The following ERBIN variants were observed in gnomAD, a reference collection of about 807,000 sequenced individuals.
The protein encoded by ERBIN is densin-180-like protein.
Under a neutral mutation model 158.4 loss-of-function variants are expected in ERBIN, and 60 were observed. That is an observed-to-expected ratio of 0.38 (90% CI 0.31 to 0.47). ERBIN has a LOEUF of 0.47. ERBIN is among the 20% of genes least tolerant of loss of function. ERBIN has a pLI of 0.99. For synonymous variants in ERBIN, 594 were observed against 557.2 expected, an observed-to-expected ratio of 1.07 and a Z score of -0.93; for missense variants, 1,610 against 1,648.0, an observed-to-expected ratio of 0.98 and a Z score of 0.40.
intron 1 of ERBIN, among the ~76,000 whole-genome samples, chr5:65,941,078 T>C (rs1413642679): frequency 1.3e-5 from 2 of 152,048 alleles, no homozygotes; most frequent in Non-Finnish European, 2.9e-5. Context: ...GGATTAATGG[T>C]GGTGCAAGAT....
rs1561380775 is a variant in ERBIN, at chr5:66,018,512, ATTATATAATATATATTATATT to A, written c.534-2809_534-2789del. ...TTATATTATATAATATATATTATATATTATATAATATATATTATATTATATAATATATATTATATATTATAT... is the reference window on the plus strand; with the variant it reads ...TTATATTATATAATATATATTATATAATATAATATATATTATATATTATAT... On this transcript the variant is annotated intron_variant, in intron 7 of 25. Coordinates refer to ENST00000284037, the MANE Select transcript of ERBIN (RefSeq NM_001253697.2). 4.4e-4 allele frequency among the ~76,000 whole-genome samples: 5 copies of A among 11,418 alleles called. 1 individual carries two copies. Among genetic ancestry groups the A allele is most frequent in the African/African-American group, 2.5e-3 (5 of 1,992 alleles). 7.5% of individuals were successfully genotyped at this position (11,418 alleles called of 152,430 possible).
chr5:65,935,907 T>TAG (rs1478528888), intron 1 of ERBIN, among the ~76,000 whole-genome samples: 1 of 152,178 alleles, frequency 6.6e-6, no homozygotes, highest in East Asian at 1.9e-4. Context: ...CTATTTTTTA[T>TAG]AGAGGTAGAG....
chr5:65,990,868 A>G (rs149600441), intron 2 of ERBIN, among the ~76,000 whole-genome samples: 6,055 of 151,204 alleles, frequency 0.04, 410 homozygotes, highest in African/African-American at 0.14. Flanking sequence ...TCAAGCAGTT[A>G]TCCTGCCTCA....
chr5:66,028,887 C>G (rs1756559609), intron 14 of ERBIN, among the ~76,000 whole-genome samples: 1 of 152,142 alleles, frequency 6.6e-6, no homozygotes, highest in South Asian at 2.1e-4. Context: ...TAAGTGAAGA[C>G]ATGTGAAGTT....
chr5:66,056,907 G>A (rs578251538), intron 21 of ERBIN, among the ~76,000 whole-genome samples: 352 of 152,126 alleles, frequency 2.3e-3, no homozygotes, highest in Non-Finnish European at 4.1e-3. Context: ...ATATCCTGCC[G>A]TTACCATAAC....
At chr5:65,969,468 TA>T (rs1749016464) in intron 1 of ERBIN, among the ~76,000 whole-genome samples, 1 of 152,234 alleles carries the variant, frequency 6.6e-6, no homozygotes, top group African/African-American at 2.4e-5. Context: ...CTTTGTTTTT[TA>T]ACATAAAGAA....
Position 66,026,354 on chromosome 5 carries a change from A to T in ERBIN, c.1073A>T (p.Glu358Val), listed in dbSNP as rs373328577. The part of the protein sequence containing the change: ...TVLFLHSNKL[E>V]TLPEEMGDMQ... ...CTGTTTCTCCATTCCAATAAACTTG[A>T]GACACTTCCAGAGGAAATGGGTGAT... The change falls in exon 13 of 26, where the codon GAG becomes GTG. Residue 358 changes from glutamate (E) to valine (V), a missense_variant. Physicochemically the swap from Glu to Val is moderately radical, Grantham distance 121. Coordinates refer to ENST00000284037, the MANE Select transcript of ERBIN (RefSeq NM_001253697.2). The T allele has an allele frequency of 7.5e-6, 12 of 1,601,522 alleles. No homozygotes were observed. The highest frequency in any genetic ancestry group is 1.0e-5 in the Non-Finnish European group (12 of 1,174,662).
chr5:66,039,435 C>T (rs1757729781), intron 15 of ERBIN, among the ~76,000 whole-genome samples: 1 of 151,820 alleles, frequency 6.6e-6, no homozygotes, highest in Non-Finnish European at 1.5e-5. Context: ...TTAGAGGATG[C>T]TTACCCTTAC....
intron 14 of ERBIN, among the ~76,000 whole-genome samples, chr5:66,036,830 G>T (rs1436402104): frequency 6.6e-6 from 1 of 152,154 alleles, no homozygotes; most frequent in Non-Finnish European, 1.5e-5. Context: ...AATGAAATCG[G>T]ATTAAAGATC....
chr5:66,040,867 G>T (rs1457838643), intron 15 of ERBIN, among the ~76,000 whole-genome samples: 2 of 148,840 alleles, frequency 1.3e-5, no homozygotes, highest in Admixed American at 6.7e-5. Flanking sequence ...AGGAAAAAAA[G>T]AAAGATTCTA....
At chr5:65,985,382 G>T (rs752907194) in intron 1 of ERBIN, among the ~76,000 whole-genome samples, 1 of 152,198 alleles carries the variant, frequency 6.6e-6, no homozygotes, top group Non-Finnish European at 1.5e-5. Flanking sequence ...GAGCCACCAC[G>T]CCCGGCCCGA....
At chr5:65,988,417 ATGTGTGTG>A (rs146487961) in intron 1 of ERBIN, among the ~76,000 whole-genome samples, 2 of 149,996 alleles carry the variant, frequency 1.3e-5, no homozygotes, top group African/African-American at 4.9e-5. Context: ...GCTGGTAAAT[ATGTGTGTG>A]TGTGTGTGTG....
chr5:66,030,510 T>TA (rs1756754706), intron 14 of ERBIN, among the ~76,000 whole-genome samples: 1 of 151,894 alleles, frequency 6.6e-6, no homozygotes, highest in Admixed American at 6.6e-5. Context: ...GAATGAGACA[T>TA]ACCTCCTGGT....
intron 1 of ERBIN, among the ~76,000 whole-genome samples, chr5:65,942,400 A>C (rs1179564395): frequency 6.6e-6 from 1 of 152,224 alleles, no homozygotes; most frequent in African/African-American, 2.4e-5. Context: ...TTAGAGAAAA[A>C]AAGAGTTTTG....
chr5:65,958,119 G>A (rs1463742191), intron 1 of ERBIN, among the ~76,000 whole-genome samples: 1 of 149,298 alleles, frequency 6.7e-6, no homozygotes. Context: ...GGGAAGAGGC[G>A]CTCCTCACTT....
At chr5:65,964,642 C>G (rs985869654) in intron 1 of ERBIN, among the ~76,000 whole-genome samples, 3 of 151,882 alleles carry the variant, frequency 2.0e-5, no homozygotes, top group African/African-American at 7.3e-5. Flanking sequence ...ATTTGTATGA[C>G]ACATATCCTG....
At chr5:65,993,957 A>G (rs1344836854) in intron 3 of ERBIN, among the ~76,000 whole-genome samples, 1 of 152,152 alleles carries the variant, frequency 6.6e-6, no homozygotes, top group Admixed American at 6.5e-5. Flanking sequence ...GTATATAGCC[A>G]TTGTTTTATG....
intron 1 of ERBIN, among the ~76,000 whole-genome samples, chr5:65,939,785 G>C (rs1173383628): frequency 6.6e-6 from 1 of 152,294 alleles, no homozygotes; most frequent in African/African-American, 2.4e-5. Context: ...CGAACTGCGA[G>C]TGATCCGCCA....
chr5:66,038,341 T>C (rs1277608991), intron 14 of ERBIN, 42 bp from the exon 15 acceptor site: 10 of 1,336,090 alleles, frequency 7.5e-6, no homozygotes, highest in Non-Finnish European at 9.6e-6. Context: ...ATATATTTGC[T>C]TTAGGGTTAT....
Sources: gnomAD v4.1 joint callset for allele counts (sites outside exome capture counted in the v4.1 genomes callset) on GRCh38, gnomAD v4.1.1 for gene constraint, MANE v1.5 for transcripts, NCBI Gene and HGNC (gene_info 2026-07-23, HGNC 2026-07-21) for gene names.